Variants in KCNQ1 observed in about 807,000 individuals in gnomAD.
The protein encoded by KCNQ1 is potassium voltage-gated channel subfamily KQT member 1.
In KCNQ1, 49 loss-of-function variants were observed where a neutral mutation model predicts 72.4. The ratio of observed to expected loss-of-function variants is 0.68; its 90% CI spans 0.54 to 0.86. The LOEUF (loss-of-function observed/expected upper bound fraction) is 0.86, where lower values mean the gene tolerates loss of function less well. Ranked by LOEUF, KCNQ1 falls within the 40% of genes least tolerant of loss-of-function variation. KCNQ1 has a pLI of 0.00. For synonymous variants in KCNQ1, 450 were observed against 412.6 expected, an observed-to-expected ratio of 1.09 and a Z score of -1.10; for missense variants, 790 against 945.1, an observed-to-expected ratio of 0.84 and a Z score of 2.15.
chr11:2,709,220 G>GCCCCCCCCC (rs34617956), intron 11 of KCNQ1, among the ~76,000 whole-genome samples: 38 of 130,038 alleles, frequency 2.9e-4, no homozygotes, highest in East Asian at 1.8e-3. Flanking sequence ...CGGCTTCCAG[G>GCCCCCCCCC]CCCCCCCCAC....
chr11:2,845,981 C>G (rs1848317614), intron 15 of KCNQ1, among the ~76,000 whole-genome samples: 1 of 152,192 alleles, frequency 6.6e-6, no homozygotes, highest in Non-Finnish European at 1.5e-5. Context: ...TCCACCCAGA[C>G]CCTAGCAAAC....
rs397508134 is a variant in KCNQ1 at position 2,583,507 on chromosome 11, TTC to T, written c.998_999del (p.Ser333CysfsTer129). ...TWVGKTIASC[F>X]SVFAISFFAL... ...GGTCGGGAAGACCATCGCCTCCTGC[TTC>T]TCTGTCTTTGCCATCTCCTTCTTTG... On this transcript the variant is annotated frameshift_variant, in exon 7 of 16. Transcript: ENST00000155840. LOFTEE classifies it high-confidence loss of function. 1 of 1,613,956 alleles carries T rather than the reference TTC, an allele frequency of 6.2e-7. No homozygotes were observed. Among genetic ancestry groups the T allele is most frequent in the African/African-American group, 1.3e-5 (1 of 74,928 alleles).
intron 15 of KCNQ1, among the ~76,000 whole-genome samples, chr11:2,839,143 G>C (rs946974414): frequency 6.6e-6 from 1 of 152,174 alleles, no homozygotes; most frequent in African/African-American, 2.4e-5. Context: ...GGGGAGGCTC[G>C]AGACCCCATC....
chr11:2,650,368 T>A (rs1303322998), intron 10 of KCNQ1: 1 of 398,528 alleles, frequency 2.5e-6, no homozygotes, highest in Non-Finnish European at 4.4e-6. Flanking sequence ...TCTGCATATC[T>A]GGAATAACAG....
At chr11:2,648,973 TTC>T (rs1849709916) in intron 10 of KCNQ1, 1 of 382,318 alleles carries the variant, frequency 2.6e-6, no homozygotes, top group Non-Finnish European at 4.5e-6. Context: ...TGTCTCTTTT[TTC>T]TTTTTCTTTT....
intron 10 of KCNQ1, chr11:2,632,274 G>A (rs1344046522): frequency 2.5e-6 from 1 of 394,962 alleles, no homozygotes; most frequent in Non-Finnish European, 4.4e-6. Context: ...TTCAGTTTTT[G>A]TGGTGAGTTT....
intron 15 of KCNQ1, among the ~76,000 whole-genome samples, chr11:2,798,056 G>A (rs1847174428): frequency 1.3e-5 from 2 of 152,180 alleles, no homozygotes; most frequent in African/African-American, 4.8e-5. Context: ...GCGGCCTTGG[G>A]ACAATACTGA....
At chr11:2,628,159 A>T in intron 10 of KCNQ1, 1 of 398,638 alleles carries the variant, frequency 2.5e-6, no homozygotes, top group East Asian at 3.6e-5. Context: ...CCCGGAACTG[A>T]GACTGCTGGA....
chr11:2,649,340 T>C (rs1407805543), intron 10 of KCNQ1: 2 of 398,430 alleles, frequency 5.0e-6, no homozygotes, highest in African/African-American at 2.1e-5. Context: ...TAATCTTTTA[T>C]TCCTTTTCCT....
In KCNQ1 at chr11:2,781,807, C is replaced by T. The variant is rs554135466; in HGVS notation, c.1794+3770C>T. On this transcript the variant is annotated intron_variant, in intron 15 of 15. Coordinates refer to ENST00000155840, the MANE Select transcript of KCNQ1 (RefSeq NM_000218.3). The surrounding 1 kb of genome is among the most constrained non-coding windows in gnomAD (Gnocchi z 6.6). ...GCCGGAAATGTTCATGGCTGAGAGC[C>T]GGACACAGGGGAGTCCTGGGTTTCC... Among the ~76,000 whole-genome samples, 3 of 152,288 alleles carry T rather than the reference C, an allele frequency of 2.0e-5. No individual in the cohort carries two copies. The highest frequency in any genetic ancestry group is 3.9e-4 in the East Asian group (2 of 5,188).
Position 2,797,421 on chromosome 11 carries a change from G to A in KCNQ1, c.1794+19384G>A, listed in dbSNP as rs1043574069. Among the ~76,000 whole-genome samples, 29 of 152,334 alleles carry A rather than the reference G, an allele frequency of 1.9e-4. 1 individual carries two copies. Among genetic ancestry groups the A allele is most frequent in the African/African-American group, 2.9e-4 (12 of 41,562 alleles). Reference sequence around the variant, plus strand: ...GACAACCTTTCCTTGGGCTCTCAGCGATGCCAGCTCCAGCTGCTGTGTCAT... The same window carrying A: ...GACAACCTTTCCTTGGGCTCTCAGCAATGCCAGCTCCAGCTGCTGTGTCAT... On this transcript the variant is annotated intron_variant, in intron 15 of 15. Transcript: ENST00000155840.
rs1432804136 is a variant in KCNQ1 at position 2,497,167 on chromosome 11, A to G, written c.387-30761A>G. ...CTTGGGGTTGCTCTTCTTGAGGAGT[A>G]TCTTAGTGGTGTTCTCTGTATTTCC... On this transcript the variant is annotated intron_variant, in intron 1 of 15. Coordinates refer to ENST00000155840, the MANE Select transcript of KCNQ1 (RefSeq NM_000218.3). This position sits in a 1 kb window ranked among gnomAD's most constrained non-coding sequence, Gnocchi z 4.5. Among the ~76,000 whole-genome samples, 1 of 152,098 alleles carries G rather than the reference A, an allele frequency of 6.6e-6. No homozygotes were observed.
intron 10 of KCNQ1, chr11:2,632,182 C>CAA (rs34998500): frequency 0.047 from 14,275 of 304,144 alleles, 63 homozygotes; most frequent in East Asian, 0.062. Flanking sequence ...GACTCTGCCT[C>CAA]AAAAAAAAAA....
rs1028112679 is a variant in KCNQ1 at position 2,725,376 on chromosome 11, C to T, written c.1515-43468C>T. Among the ~76,000 whole-genome samples the T allele has an allele frequency of 6.6e-5, 10 of 152,188 alleles. No homozygotes were observed. Among genetic ancestry groups the T allele is most frequent in the Non-Finnish European group, 8.8e-5 (6 of 68,032 alleles). On this transcript the variant is annotated intron_variant, in intron 11 of 15. Coordinates refer to ENST00000155840, the MANE Select transcript of KCNQ1 (RefSeq NM_000218.3). The surrounding 1 kb of genome is among the most constrained non-coding windows in gnomAD (Gnocchi z 7.2). ...GGTGGATACTTAGTGGTTTGGCTTTCGGGTTCCTGCCTTCCAAAACAGGAG... is the reference window on the plus strand; with the variant it reads ...GGTGGATACTTAGTGGTTTGGCTTTTGGGTTCCTGCCTTCCAAAACAGGAG...
At position 2,712,593 on chromosome 11, in the gene KCNQ1, G is replaced by C. The variant is rs1286569570; in HGVS notation, c.1514+50512G>C. The stretch of plus-strand genomic sequence containing the variant: ...AAATGTTAGACACTCTTCTCTCTTA[G>C]GTGGTTTGAGGAGACTTAGGGGCTT... On this transcript the variant is annotated intron_variant, in intron 11 of 15. Coordinates refer to ENST00000155840, the MANE Select transcript of KCNQ1 (RefSeq NM_000218.3). The surrounding 1 kb of genome is among the most constrained non-coding windows in gnomAD (Gnocchi z 6.4). Among the ~76,000 whole-genome samples, 1 of 152,170 alleles carries C rather than the reference G, an allele frequency of 6.6e-6. No individual in the cohort carries two copies. The highest frequency in any genetic ancestry group is 1.5e-5 in the Non-Finnish European group (1 of 68,028).
rs1849597140 is a variant in KCNQ1, at chr11:2,642,628, T to C, written c.1394-19333T>C. ...TTTCAAAAACCGATTTTGCATTTCA[T>C]TGATCCTTTATATTTATTTAGTTTC... On this transcript the variant is annotated intron_variant, in intron 10 of 15. Transcript: ENST00000155840. The surrounding 1 kb of genome is among the most constrained non-coding windows in gnomAD (Gnocchi z 4.3). 1 of 397,980 alleles carries C rather than the reference T, an allele frequency of 2.5e-6. No individual in the cohort carries two copies. The highest frequency in any genetic ancestry group is 4.4e-6 in the Non-Finnish European group (1 of 225,714). The allele number at this position is 397,980 out of a possible 1,614,324, so 24.7% of individuals were successfully genotyped here.
chr11:2,839,394 G>A (rs562731550), intron 15 of KCNQ1, among the ~76,000 whole-genome samples: 88 of 152,376 alleles, frequency 5.8e-4, no homozygotes, highest in African/African-American at 2.1e-3. Flanking sequence ...GCCTCTGCAG[G>A]TCTGTGAGGC....
chr11:2,529,295 C>T (rs1418525098), intron 2 of KCNQ1, among the ~76,000 whole-genome samples: 1 of 152,164 alleles, frequency 6.6e-6, no homozygotes, highest in Admixed American at 6.5e-5. Flanking sequence ...TTCATGATGT[C>T]ACTTTGTGCC....
At chr11:2,688,316 G>GTC (rs1850527262) in intron 11 of KCNQ1, 1 of 398,650 alleles carries the variant, frequency 2.5e-6, no homozygotes, top group Admixed American at 4.4e-5. Context: ...ATCTAAGCAC[G>GTC]TCACACACAC....
Sources: allele counts gnomAD v4.1 joint callset (sites outside exome capture counted in the v4.1 genomes callset), GRCh38; gene constraint gnomAD v4.1.1; non-coding constraint Gnocchi (gnomAD v3.1); transcripts MANE v1.5; gene names NCBI Gene and HGNC (gene_info 2026-07-23, HGNC 2026-07-21).